Variants in RILPL1 observed in about 807,000 individuals in gnomAD.
The protein encoded by RILPL1 is Rab interacting lysosomal protein like 1, also known as RILP-like protein 1.
A neutral mutation model predicts 50.3 loss-of-function variants in RILPL1; 33 were observed. That is an observed-to-expected ratio of 0.66 (90% CI 0.50 to 0.88). The LOEUF (loss-of-function observed/expected upper bound fraction) is 0.88. RILPL1 is among the 40% of genes least tolerant of loss of function. The pLI is 0.00. For synonymous variants in RILPL1, 205 were observed against 228.6 expected (o/e 0.90, Z 0.93); for missense variants, 418 against 542.5 (o/e 0.77, Z 2.28).
At position 123,471,708 on chromosome 12, in the gene RILPL1, T is replaced by C. The variant is rs1881199230; in HGVS notation, c.*830A>G. 6.6e-6 allele frequency: 1 copy of C among 152,414 alleles called. No homozygotes were observed. The highest frequency in any genetic ancestry group is 6.5e-5 in the Admixed American group (1 of 15,272). The allele number at this position is 152,414 out of a possible 1,614,324, so 9.4% of individuals were successfully genotyped here. ...AGGATCCCACGCCCCGCTTTCAGTC[T>C]GCTCTGGGACATCTGTCTTCTTCTT... On this transcript the variant is annotated 3_prime_UTR_variant, in exon 7 of 7. Transcript: ENST00000376874.
intron 2 of RILPL1, among the ~76,000 whole-genome samples, chr12:123,505,798 C>CT (rs1276705382): frequency 1.3e-5 from 2 of 151,980 alleles, no homozygotes; most frequent in Non-Finnish European, 2.9e-5. Context: ...GTTTTTGAAT[C>CT]TTTTTTTATA....
At chr12:123,510,006 G>A (rs903113906) in intron 2 of RILPL1, among the ~76,000 whole-genome samples, 4 of 152,258 alleles carry the variant, frequency 2.6e-5, no homozygotes, top group African/African-American at 9.6e-5. Flanking sequence ...TGAGGAAGGT[G>A]GGAAAGACAG....
chr12:123,475,573 CA>C (rs1287707537), intron 6 of RILPL1: 7 of 813,578 alleles, frequency 8.6e-6, no homozygotes, highest in African/African-American at 8.5e-5. Context: ...CTTAAGTGGC[CA>C]GGGGGAGACA....
rs1229905664 is a variant in RILPL1, at chr12:123,498,646, C to T, written c.699G>A (p.Leu233=). The T allele has an allele frequency of 6.2e-7, 1 of 1,613,784 alleles. No homozygotes were observed. The highest frequency in any genetic ancestry group is 2.2e-5 in the East Asian group (1 of 44,880). The part of the protein sequence containing the change: ...IEQKVELEAD[L]QTKEQEMGSL... The stretch of plus-strand genomic sequence containing the variant: ...TGCCCATCTCCTGCTCCTTGGTCTG[C>T]AGGTCTGCCTCCAGCTCCACCTTCT... The change falls in exon 4 of 7, where the codon CTG becomes CTA. Residue 233 remains leucine, a synonymous_variant. Transcript: ENST00000376874. The surrounding 1 kb of genome is among the most constrained non-coding windows in gnomAD (Gnocchi z 4.3).
rs900740204 is a variant in RILPL1 at position 123,498,260 on chromosome 12, G to T, written c.801+284C>A. Among the ~76,000 whole-genome samples the T allele has an allele frequency of 1.3e-5, 2 of 151,520 alleles. No homozygotes were observed. Among genetic ancestry groups the T allele is most frequent in the African/African-American group, 2.4e-5 (1 of 41,198 alleles). On this transcript the variant is annotated intron_variant, in intron 4 of 6. Transcript: ENST00000376874. This position sits in a 1 kb window ranked among gnomAD's most constrained non-coding sequence, Gnocchi z 4.3. ...TAGACAGGTCTGGCTCTGTTACCCAGGCTGCAGCGCAGTTGTGCAATCATG... is the reference window on the plus strand; with the variant it reads ...TAGACAGGTCTGGCTCTGTTACCCATGCTGCAGCGCAGTTGTGCAATCATG...
rs79370578 is a variant in RILPL1, at chr12:123,522,884, C to T, written c.460+611G>A. Among the ~76,000 whole-genome samples, 15,938 of 152,210 alleles carry T rather than the reference C, an allele frequency of 0.1. 907 individuals are homozygous for T. Among genetic ancestry groups the T allele is most frequent in the Non-Finnish European group, 0.12 (8,153 of 67,996 alleles). ...CTGGGATCACAGGTGTGAGCCACTG[C>T]GCGCGGCCTACACCGGCCTTCTTGG... On this transcript the variant is annotated intron_variant, in intron 2 of 6. Coordinates refer to ENST00000376874, the MANE Select transcript of RILPL1 (RefSeq NM_178314.5). The surrounding 1 kb of genome is among the most constrained non-coding windows in gnomAD (Gnocchi z 4.0).
At chr12:123,517,197 GGATGCC>G (rs1217541716) in intron 2 of RILPL1, among the ~76,000 whole-genome samples, 3 of 152,146 alleles carry the variant, frequency 2.0e-5, no homozygotes, top group Admixed American at 1.3e-4. Context: ...CCACAGGTGA[GGATGCC>G]GACAGCCCCC....
Position 123,485,608 on chromosome 12 carries a change from G to A in RILPL1, c.974+25C>T. 1.2e-6 allele frequency: 2 copies of A among 1,609,170 alleles called. No homozygotes were observed. Among genetic ancestry groups the A allele is most frequent in the East Asian group, 4.5e-5 (2 of 44,802 alleles). On this transcript the variant is annotated intron_variant, in intron 5 of 6. Transcript: ENST00000376874. This position sits in a 1 kb window ranked among gnomAD's most constrained non-coding sequence, Gnocchi z 4.0. ...TAACCTCAGTAAGGAGCCAGCTCGG[G>A]CCATCCAGCCCCAGGGACACTTGCC...
chr12:123,513,690 C>T (rs1884525131), intron 2 of RILPL1: 1 of 152,720 alleles, frequency 6.5e-6, no homozygotes, highest in African/African-American at 2.4e-5. Context: ...CCCCGCTTCA[C>T]AGGTCACTGC....
Position 123,533,072 on chromosome 12 carries a change from C to T in RILPL1, c.309+102G>A, listed in dbSNP as rs1053999391. On this transcript the variant is annotated intron_variant, in intron 1 of 6. Coordinates refer to ENST00000376874, the MANE Select transcript of RILPL1 (RefSeq NM_178314.5). This position sits in a 1 kb window ranked among gnomAD's most constrained non-coding sequence, Gnocchi z 6.2. ...CGTCGGGTCTCCTCTGGTCCGGTCC[C>T]TGAACACACACACGTGCGCACCCAC... The T allele has an allele frequency of 4.4e-5, 56 of 1,272,546 alleles. No individual in the cohort carries two copies. In the Admixed American group the frequency reaches 6.6e-4, roughly 15 times the overall value. 78.8% of individuals were successfully genotyped at this position (1,272,546 alleles called of 1,614,324 possible).
intron 2 of RILPL1, among the ~76,000 whole-genome samples, chr12:123,501,089 C>T (rs1400695880): frequency 6.6e-6 from 1 of 151,534 alleles, no homozygotes; most frequent in African/African-American, 2.4e-5. Flanking sequence ...GCCTGGGTGA[C>T]AACAGCAAGA....
In RILPL1 at chr12:123,471,917, T is replaced by C. The variant is rs1881213452; in HGVS notation, c.*621A>G. The C allele has an allele frequency of 6.5e-6, 1 of 153,554 alleles. No homozygotes were observed. Among genetic ancestry groups the C allele is most frequent in the African/African-American group, 2.4e-5 (1 of 41,456 alleles). The allele number at this position is 153,554 out of a possible 1,614,324, so 9.5% of individuals were successfully genotyped here. On this transcript the variant is annotated 3_prime_UTR_variant, in exon 7 of 7. Transcript: ENST00000376874. ...ACATTGCTACATGCTCTAGGCATTA[T>C]CAGGAACGCAGCCAGGGTGCCTGCA...
intron 6 of RILPL1, among the ~76,000 whole-genome samples, chr12:123,476,512 A>AGGGT (rs777129386): frequency 9.9e-5 from 15 of 151,892 alleles, no homozygotes; most frequent in Non-Finnish European, 1.9e-4. Flanking sequence ...ATGCTGGAGT[A>AGGGT]GGGTGGGTTC....
chr12:123,499,408 T>A lies in RILPL1; in HGVS notation c.579+10A>T. ...GGAGGGTGGACGCAGGTCAGGGGTG[T>A]GTCACTCACAGCCTCAACGTCCTCA... On this transcript the variant is annotated intron_variant, in intron 3 of 6. Coordinates refer to ENST00000376874, the MANE Select transcript of RILPL1 (RefSeq NM_178314.5). 5.6e-6 allele frequency: 9 copies of A among 1,599,704 alleles called. No individual in the cohort carries two copies. Among genetic ancestry groups the A allele is most frequent in the Non-Finnish European group, 7.7e-6 (9 of 1,166,978 alleles).
At chr12:123,486,287 C>A (rs1882328303) in intron 4 of RILPL1, among the ~76,000 whole-genome samples, 1 of 152,114 alleles carries the variant, frequency 6.6e-6, no homozygotes, top group South Asian at 2.1e-4. Flanking sequence ...TTGTTATGGG[C>A]CTTCTGGTTA....
At position 123,472,616 on chromosome 12, in the gene RILPL1, C is replaced by T. The variant is rs990078386; in HGVS notation, c.1134G>A (p.Glu378=). Reference sequence around the variant, plus strand: ...GGGTGTTTGCCCACTGTCCAAAGGACTCCTGGATGTGCACGTTTCTCTGTG... The same window carrying T: ...GGGTGTTTGCCCACTGTCCAAAGGATTCCTGGATGTGCACGTTTCTCTGTG... ...ANTQRNVHIQ[E]SFGQWANTHR... Residue 378 remains glutamate (E), a synonymous_variant, in exon 7 of 7, where the codon GAG becomes GAA. Transcript: ENST00000376874. The T allele has an allele frequency of 3.8e-6, 6 of 1,585,872 alleles. No individual in the cohort carries two copies. The highest frequency in any genetic ancestry group is 5.1e-6 in the Non-Finnish European group (6 of 1,165,822).
In RILPL1 at chr12:123,517,381, G is replaced by A. The variant is rs533049804; in HGVS notation, c.460+6114C>T. The stretch of plus-strand genomic sequence containing the variant: ...CAAGAAGCCAATATGGCAAACATAC[G>A]GAGAAAGGCCCAGAGAGAGGGCACA... On this transcript the variant is annotated intron_variant, in intron 2 of 6. Coordinates refer to ENST00000376874, the MANE Select transcript of RILPL1 (RefSeq NM_178314.5). 3.3e-4 allele frequency among the ~76,000 whole-genome samples: 50 copies of A among 151,848 alleles called. 1 individual carries two copies. The highest frequency in any genetic ancestry group is 2.9e-3 in the Admixed American group (44 of 15,234).
rs748035165 is a variant in RILPL1 at position 123,499,463 on chromosome 12, G to A, written c.534C>T (p.Arg178=). The A allele has an allele frequency of 2.4e-5, 39 of 1,613,808 alleles. No individual in the cohort carries two copies. The highest frequency in any genetic ancestry group is 1.6e-4 in the Middle Eastern group (1 of 6,084). The part of the protein sequence containing the change: ...EVVDKQRDEI[R]AKDRELGLKN... ...TCAGGCCCAGCTCCCTGTCCTTGGC[G>A]CGGATCTCGTCGCGTTGTTTGTCCA... Residue 178 remains arginine, a synonymous_variant, in exon 3 of 7, where the codon CGC becomes CGT. Transcript: ENST00000376874.
rs28744628 is a variant in RILPL1, at chr12:123,485,602, G to C, written c.974+31C>G. ...TCTGGCTAACCTCAGTAAGGAGCCA[G>C]CTCGGGCCATCCAGCCCCAGGGACA... On this transcript the variant is annotated intron_variant, in intron 5 of 6. Coordinates refer to ENST00000376874, the MANE Select transcript of RILPL1 (RefSeq NM_178314.5). The surrounding 1 kb of genome is among the most constrained non-coding windows in gnomAD (Gnocchi z 4.0). 6.2e-6 allele frequency: 10 copies of C among 1,605,700 alleles called. No individual in the cohort carries two copies. The African/African-American group carries it at 1.1e-4, about 17-fold the overall frequency.
Sources: allele counts gnomAD v4.1 joint callset (sites outside exome capture counted in the v4.1 genomes callset), GRCh38; gene constraint gnomAD v4.1.1; non-coding constraint Gnocchi (gnomAD v3.1); transcripts MANE v1.5; gene names NCBI Gene and HGNC (gene_info 2026-07-23, HGNC 2026-07-21).